The following THSD7B variants were observed in gnomAD, a reference collection of about 807,000 sequenced individuals.
THSD7B encodes the protein thrombospondin type-1 domain-containing protein 7B.
In THSD7B, 138 loss-of-function variants were observed where a neutral mutation model predicts 213.6. The ratio of observed to expected loss-of-function variants is 0.65; its 90% CI spans 0.56 to 0.74. The LOEUF (loss-of-function observed/expected upper bound fraction) is 0.74. Ranked by LOEUF, THSD7B falls within the 30% of genes least tolerant of loss-of-function variation. THSD7B has a pLI of 0.00. For synonymous variants in THSD7B, 742 were observed against 687.0 expected (o/e 1.08, Z -1.25); for missense variants, 1,931 against 1,991.5 (o/e 0.97, Z 0.58).
At chr2:137,646,403 A>G (rs1415400983) in intron 21 of THSD7B, among the ~76,000 whole-genome samples, 2 of 147,992 alleles carry the variant, frequency 1.4e-5, no homozygotes, top group African/African-American at 5.0e-5. Context: ...GAACTTTGGG[A>G]GGCCGAGGAG....
intron 5 of THSD7B, among the ~76,000 whole-genome samples, chr2:137,158,975 T>A (rs533343201): frequency 1.3e-5 from 2 of 152,298 alleles, no homozygotes; most frequent in Non-Finnish European, 2.9e-5. Context: ...GCCTTCCTAG[T>A]TTAGGGTCTC....
chr2:137,280,704 T>A (rs550758629), intron 12 of THSD7B, among the ~76,000 whole-genome samples: 23 of 152,198 alleles, frequency 1.5e-4, no homozygotes, highest in Admixed American at 1.5e-3. Flanking sequence ...TCAGAATAAT[T>A]TTTTTAATGG....
intron 15 of THSD7B, among the ~76,000 whole-genome samples, chr2:137,488,518 C>T (rs899610151): frequency 2.6e-5 from 4 of 152,074 alleles, no homozygotes; most frequent in Non-Finnish European, 5.9e-5. Flanking sequence ...GCTTACAATA[C>T]AAAATATAGA....
intron 3 of THSD7B, among the ~76,000 whole-genome samples, chr2:137,064,627 C>T (rs1244862244): frequency 1.3e-5 from 2 of 151,460 alleles, no homozygotes; most frequent in East Asian, 1.9e-4. Context: ...TTTTTGCAGT[C>T]GTTTCATAGT....
intron 1 of THSD7B, among the ~76,000 whole-genome samples, chr2:136,836,096 G>T (rs1055421650): frequency 6.6e-6 from 1 of 152,156 alleles, no homozygotes; most frequent in Non-Finnish European, 1.5e-5. Context: ...TAAAGAATTT[G>T]AAGTTAATTT....
At chr2:136,830,446 T>C (rs1682734162) in intron 1 of THSD7B, among the ~76,000 whole-genome samples, 1 of 152,164 alleles carries the variant, frequency 6.6e-6, no homozygotes, top group African/African-American at 2.4e-5. Context: ...TCATTTTTAT[T>C]GCCTCTTGGG....
chr2:137,400,487 C>T (rs568810257), intron 12 of THSD7B, among the ~76,000 whole-genome samples: 30 of 152,158 alleles, frequency 2.0e-4, no homozygotes, highest in South Asian at 4.2e-4. Context: ...CTATGATTTC[C>T]CTGGCTATAA....
intron 12 of THSD7B, among the ~76,000 whole-genome samples, chr2:137,386,050 G>C (rs1685887111): frequency 6.6e-6 from 1 of 152,186 alleles, no homozygotes; most frequent in South Asian, 2.1e-4. Context: ...GAATTTAGAA[G>C]TTCCTACTGA....
At chr2:137,353,280 C>T (rs1476620392) in intron 12 of THSD7B, among the ~76,000 whole-genome samples, 1 of 152,036 alleles carries the variant, frequency 6.6e-6, no homozygotes, top group African/African-American at 2.4e-5. Context: ...ATAACCTCAT[C>T]TGAAAGTTTA....
chr2:136,879,225 G>T (rs899591409), intron 1 of THSD7B, among the ~76,000 whole-genome samples: 1 of 152,162 alleles, frequency 6.6e-6, no homozygotes, highest in African/African-American at 2.4e-5. Context: ...TCAAATAGTT[G>T]TAGATGTGTG....
At chr2:137,297,368 T>C (rs1683491785) in intron 12 of THSD7B, among the ~76,000 whole-genome samples, 2 of 151,516 alleles carry the variant, frequency 1.3e-5, no homozygotes. Context: ...TTTTCTTCTT[T>C]CCCCAGCATT....
intron 3 of THSD7B, among the ~76,000 whole-genome samples, chr2:137,086,209 C>T (rs1003598053): frequency 3.9e-5 from 6 of 151,904 alleles, no homozygotes; most frequent in South Asian, 2.1e-4. Context: ...TGATGGTGCA[C>T]GCCTGTAATC....
intron 1 of THSD7B, among the ~76,000 whole-genome samples, chr2:136,862,493 G>A (rs1009552736): frequency 1.1e-4 from 17 of 152,116 alleles, no homozygotes; most frequent in African/African-American, 3.6e-4. Flanking sequence ...TCTGTGCCAG[G>A]CACTAAGGTA....
intron 2 of THSD7B, among the ~76,000 whole-genome samples, chr2:136,904,666 A>G (rs1240393785): frequency 6.6e-6 from 1 of 152,188 alleles, no homozygotes; most frequent in African/African-American, 2.4e-5. Context: ...AGCTTATGAC[A>G]GTTCATCCCA....
rs1044452706 is a variant in THSD7B, at chr2:137,628,098, A to G, written c.3799+7372A>G. On this transcript the variant is annotated intron_variant, in intron 20 of 27. Coordinates refer to ENST00000409968, the MANE Select transcript of THSD7B (RefSeq NM_001316349.2). ...AATTAAGTATTTGAAGACACCTGGC[A>G]TAGTAACAGACACATCATGAGTGTT... Among the ~76,000 whole-genome samples, 3 of 152,236 alleles carry G rather than the reference A, an allele frequency of 2.0e-5. 1 individual carries two copies. The highest frequency in any genetic ancestry group is 2.9e-5 in the Non-Finnish European group (2 of 68,044).
intron 1 of THSD7B, among the ~76,000 whole-genome samples, chr2:136,839,757 C>T (rs1370748502): frequency 6.6e-6 from 1 of 152,170 alleles, no homozygotes; most frequent in African/African-American, 2.4e-5. Flanking sequence ...TGGTTTGGTG[C>T]TGCCTGATGG....
chr2:137,536,413 A>G (rs1259134620), intron 15 of THSD7B, among the ~76,000 whole-genome samples: 1 of 151,592 alleles, frequency 6.6e-6, no homozygotes, highest in African/African-American at 2.4e-5. Flanking sequence ...TAGTACTTAG[A>G]TATGTGAAAA....
chr2:137,319,362 T>A (rs1684212136), intron 12 of THSD7B, among the ~76,000 whole-genome samples: 1 of 152,156 alleles, frequency 6.6e-6, no homozygotes. Flanking sequence ...TGTGTCTTAT[T>A]CCATGTGATC....
At chr2:136,818,051 A>C (rs1364111690) in intron 1 of THSD7B, among the ~76,000 whole-genome samples, 1 of 146,814 alleles carries the variant, frequency 6.8e-6, no homozygotes, top group Non-Finnish European at 1.5e-5. Context: ...TACTGGGTAT[A>C]TACCCAAAGG....
Sources: gnomAD v4.1 joint callset for allele counts (sites outside exome capture counted in the v4.1 genomes callset) on GRCh38, gnomAD v4.1.1 for gene constraint, MANE v1.5 for transcripts, NCBI Gene and HGNC (gene_info 2026-07-23, HGNC 2026-07-21) for gene names.